Variants in ARHGEF3 observed in about 807,000 individuals in gnomAD.
ARHGEF3 encodes the protein 59.8 kDA protein.
ARHGEF3 carries 28 observed loss-of-function variants against 63.2 expected under a neutral mutation model. That is an observed-to-expected ratio of 0.44 (90% CI 0.33 to 0.61). The LOEUF (loss-of-function observed/expected upper bound fraction) is 0.61. Ranked by LOEUF, ARHGEF3 falls within the 20% of genes least tolerant of loss-of-function variation. ARHGEF3 has a pLI of 0.03. For missense variants in ARHGEF3, 533 were observed against 659.3 expected (o/e 0.81, Z 2.10); for synonymous variants, 266 against 254.2 (o/e 1.05, Z -0.44).
At chr3:57,013,909 C>A (rs150957049) in intron 2 of ARHGEF3, among the ~76,000 whole-genome samples, 1 of 152,166 alleles carries the variant, frequency 6.6e-6, no homozygotes, top group Non-Finnish European at 1.5e-5. Context: ...AGCAGGCTGC[C>A]GGAGCCAGCA....
At chr3:56,989,451 C>T (rs1391535579) in intron 2 of ARHGEF3, among the ~76,000 whole-genome samples, 1 of 152,200 alleles carries the variant, frequency 6.6e-6, no homozygotes, top group African/African-American at 2.4e-5. Context: ...CTTGACTAGA[C>T]TCCAAAGTGT....
chr3:56,791,834 A>G (rs947732907), intron 1 of ARHGEF3, among the ~76,000 whole-genome samples: 1 of 148,522 alleles, frequency 6.7e-6, no homozygotes, highest in Non-Finnish European at 1.5e-5. Context: ...AACTAAAAAA[A>G]GAAAACCTAA....
chr3:56,928,720 G>A (rs1441170733), intron 3 of ARHGEF3, among the ~76,000 whole-genome samples: 1 of 152,126 alleles, frequency 6.6e-6, no homozygotes, highest in East Asian at 1.9e-4. Context: ...CTGCCCCCCA[G>A]TGAACTGCCA....
chr3:56,757,452 C>T (rs539721957), intron 2 of ARHGEF3, among the ~76,000 whole-genome samples: 142 of 150,980 alleles, frequency 9.4e-4, no homozygotes, highest in Middle Eastern at 3.4e-3. Context: ...CCAGTCTGGG[C>T]GACAAGAGTG....
chr3:56,908,268 A>T (rs554229801), intron 3 of ARHGEF3, among the ~76,000 whole-genome samples: 1 of 152,338 alleles, frequency 6.6e-6, no homozygotes, highest in East Asian at 1.9e-4. Context: ...TGCCTTCGAA[A>T]CTAAGAATAG....
At chr3:56,839,907 G>A (rs893640488) in intron 4 of ARHGEF3, among the ~76,000 whole-genome samples, 2 of 152,082 alleles carry the variant, frequency 1.3e-5, no homozygotes, top group African/African-American at 4.8e-5. Flanking sequence ...GTACAATCCC[G>A]AAGGCTCCTG....
chr3:56,758,767 G>A (rs936488009), intron 2 of ARHGEF3, among the ~76,000 whole-genome samples: 1 of 152,148 alleles, frequency 6.6e-6, no homozygotes, highest in Non-Finnish European at 1.5e-5. Flanking sequence ...GCCAGCACTC[G>A]GAATCAATTA....
intron 3 of ARHGEF3, among the ~76,000 whole-genome samples, chr3:56,909,586 T>A (rs6445837): frequency 1.3e-5 from 2 of 152,282 alleles, no homozygotes; most frequent in East Asian, 3.9e-4. Flanking sequence ...GAAGATAAGA[T>A]GAAACAATCC....
intron 2 of ARHGEF3, among the ~76,000 whole-genome samples, chr3:57,034,656 CTTTTTT>C (rs34696155): frequency 9.1e-6 from 1 of 109,512 alleles, no homozygotes; most frequent in African/African-American, 3.6e-5. Context: ...ACTCCAAATT[CTTTTTT>C]TTTTTTTTTT....
intron 4 of ARHGEF3, among the ~76,000 whole-genome samples, chr3:56,847,801 C>T (rs1263052097): frequency 6.6e-6 from 1 of 152,210 alleles, no homozygotes; most frequent in Non-Finnish European, 1.5e-5. Flanking sequence ...TGTTCTTGAA[C>T]TCCTGACCTC....
chr3:57,065,429 C>A (rs1362569283), intron 1 of ARHGEF3, among the ~76,000 whole-genome samples: 2 of 151,796 alleles, frequency 1.3e-5, no homozygotes, highest in Non-Finnish European at 2.9e-5. Flanking sequence ...TCACTGCACT[C>A]CAGCCTGGGC....
intron 4 of ARHGEF3, among the ~76,000 whole-genome samples, chr3:56,807,084 C>G (rs1025950516): frequency 3.9e-5 from 6 of 152,020 alleles, no homozygotes; most frequent in Non-Finnish European, 7.4e-5. Flanking sequence ...GGGGTTTCAC[C>G]ATGTTGGCCA....
At chr3:56,738,694 A>T (rs1279539725) in intron 7 of ARHGEF3, among the ~76,000 whole-genome samples, 1 of 152,182 alleles carries the variant, frequency 6.6e-6, no homozygotes, top group Non-Finnish European at 1.5e-5. Context: ...AGATGTAGTC[A>T]GTGGATATTT....
At chr3:56,943,776 G>A (rs912803761) in intron 3 of ARHGEF3, among the ~76,000 whole-genome samples, 2 of 151,904 alleles carry the variant, frequency 1.3e-5, no homozygotes, top group Non-Finnish European at 2.9e-5. Context: ...TTAGCCAGGT[G>A]TGGTGGTGGG....
intron 6 of ARHGEF3, among the ~76,000 whole-genome samples, chr3:56,749,916 C>CGAGCGAGACTCCGTCTCAAAAAAAA (rs2034624188): frequency 5.3e-5 from 8 of 152,132 alleles, no homozygotes; most frequent in African/African-American, 1.7e-4. Flanking sequence ...ACTTTCTGCA[C>CGAGCGAGACTCCGTCTCAAAAAAAA]ATCTATGTGT....
intron 1 of ARHGEF3, among the ~76,000 whole-genome samples, chr3:57,052,362 T>C (rs1704712057): frequency 6.6e-6 from 1 of 152,044 alleles, no homozygotes. Flanking sequence ...AGTGGTGTGA[T>C]CTTGGCTCAC....
intron 3 of ARHGEF3, among the ~76,000 whole-genome samples, chr3:56,928,045 C>A (rs926844331): frequency 1.3e-5 from 2 of 152,154 alleles, no homozygotes; most frequent in Admixed American, 1.3e-4. Flanking sequence ...AGCCAGCCCT[C>A]AATTCTGCAG....
At chr3:56,890,254 C>T (rs914436621) in intron 3 of ARHGEF3, among the ~76,000 whole-genome samples, 1 of 152,168 alleles carries the variant, frequency 6.6e-6, no homozygotes, top group Admixed American at 6.5e-5. Flanking sequence ...TTCCTTCATT[C>T]ACTCAACAAA....
At chr3:56,785,324 T>TA (rs1430900862) in intron 1 of ARHGEF3, among the ~76,000 whole-genome samples, 1 of 152,154 alleles carries the variant, frequency 6.6e-6, no homozygotes, top group Non-Finnish European at 1.5e-5. Context: ...AGGAAAGCAG[T>TA]AAAATCTCAA....
Sources: gnomAD v4.1 joint callset for allele counts (sites outside exome capture counted in the v4.1 genomes callset) on GRCh38, gnomAD v4.1.1 for gene constraint, MANE v1.5 for transcripts, NCBI Gene and HGNC (gene_info 2026-07-23, HGNC 2026-07-21) for gene names.